The following CEP70 variants were observed in gnomAD, a reference collection of about 807,000 sequenced individuals.
The protein encoded by CEP70 is centrosomal protein 70.
In CEP70, 70 loss-of-function variants were observed where a neutral mutation model predicts 90.9. The ratio of observed to expected loss-of-function variants is 0.77; its 90% CI spans 0.64 to 0.94. The LOEUF is 0.94. Ranked by LOEUF, CEP70 falls within the 40% of genes least tolerant of loss-of-function variation. The probability of loss-of-function intolerance (pLI) is 0.00; values close to 1 mark genes in which losing one functional copy is unlikely to be tolerated. For synonymous variants in CEP70, 220 were observed against 228.3 expected (o/e 0.96, Z 0.33); for missense variants, 648 against 669.0 (o/e 0.97, Z 0.35).
At chr3:138,573,084 A>G in intron 2 of CEP70, 152 bp from the exon 3 acceptor site, 1 of 607,092 alleles carries the variant, frequency 1.6e-6, no homozygotes, top group Middle Eastern at 4.4e-4. Flanking sequence ...TCCTGCGTCA[A>G]AACTTTGTGA....
Position 138,494,989 on chromosome 3 carries a change from C to T in CEP70, c.*26G>A. 8.4e-7 allele frequency: 1 copy of T among 1,191,816 alleles called. No individual in the cohort carries two copies. Among genetic ancestry groups the T allele is most frequent in the South Asian group, 1.3e-5 (1 of 78,012 alleles). 73.8% of individuals were successfully genotyped at this position (1,191,816 alleles called of 1,614,324 possible). A position where few individuals can be genotyped will look rare whatever the true frequency, so the allele number is the denominator to read the frequency against. ...TACAAAATGTTAAGAATACAATTTACACAGTAAAAATGATTTGATTTGTTT... is the reference window on the plus strand; with the variant it reads ...TACAAAATGTTAAGAATACAATTTATACAGTAAAAATGATTTGATTTGTTT... On this transcript the variant is annotated 3_prime_UTR_variant, in exon 18 of 18. Transcript: ENST00000264982.
intron 2 of CEP70, among the ~76,000 whole-genome samples, chr3:138,575,936 G>C (rs1385338457): frequency 6.6e-6 from 1 of 152,096 alleles, no homozygotes; most frequent in Non-Finnish European, 1.5e-5. Context: ...TGCCTTACAA[G>C]AGCTCCTGAA....
At chr3:138,574,153 G>A (rs924755179) in intron 2 of CEP70, among the ~76,000 whole-genome samples, 1 of 152,172 alleles carries the variant, frequency 6.6e-6, no homozygotes, top group African/African-American at 2.4e-5. Flanking sequence ...CCTCACCCAG[G>A]AAGTGCAAGA....
intron 11 of CEP70, among the ~76,000 whole-genome samples, chr3:138,511,806 T>A (rs934307670): frequency 6.6e-6 from 1 of 152,212 alleles, no homozygotes; most frequent in African/African-American, 2.4e-5. Context: ...TCTATTTATA[T>A]AAGACAATGA....
At chr3:138,501,640 G>A (rs2034518789) in intron 13 of CEP70, among the ~76,000 whole-genome samples, 2 of 152,136 alleles carry the variant, frequency 1.3e-5, no homozygotes, top group Admixed American at 6.5e-5. Flanking sequence ...TAATGTGAAA[G>A]GTTCCCTAAA....
chr3:138,517,778 C>T (rs2036181278), intron 11 of CEP70, among the ~76,000 whole-genome samples: 1 of 152,242 alleles, frequency 6.6e-6, no homozygotes, highest in African/African-American at 2.4e-5. Context: ...CGGGTGATTT[C>T]TGCATTTCCA....
intron 7 of CEP70, 143 bp downstream of exon 7, chr3:138,537,035 G>T: frequency 2.1e-6 from 1 of 469,866 alleles, no homozygotes; most frequent in Non-Finnish European, 3.6e-6. Context: ...GGATGAGCAG[G>T]GAAAAACAAT....
intron 6 of CEP70, among the ~76,000 whole-genome samples, chr3:138,557,244 T>C (rs1426940157): frequency 6.6e-6 from 1 of 152,224 alleles, no homozygotes; most frequent in Non-Finnish European, 1.5e-5. Flanking sequence ...TCTTATTCCC[T>C]GAACATTGCT....
intron 2 of CEP70, among the ~76,000 whole-genome samples, chr3:138,581,846 GA>G (rs1167379860): frequency 6.6e-6 from 1 of 151,622 alleles, no homozygotes; most frequent in Non-Finnish European, 1.5e-5. Context: ...TTAACCCAAG[GA>G]GACTACCTCA....
intron 8 of CEP70, among the ~76,000 whole-genome samples, chr3:138,529,788 CAT>C (rs1249855797): frequency 3.9e-5 from 6 of 152,184 alleles, no homozygotes; most frequent in African/African-American, 1.4e-4. Context: ...ACAAACGAAA[CAT>C]AGGTGGAACA....
intron 10 of CEP70, among the ~76,000 whole-genome samples, chr3:138,525,926 TTATACA>T (rs2037184265): frequency 1.3e-5 from 2 of 152,182 alleles, no homozygotes; most frequent in African/African-American, 2.4e-5. Flanking sequence ...AACTCAAACT[TTATACA>T]TATACTTAAA....
At chr3:138,562,324 T>G (rs537405807) in intron 6 of CEP70, among the ~76,000 whole-genome samples, 2 of 152,036 alleles carry the variant, frequency 1.3e-5, no homozygotes, top group African/African-American at 4.8e-5. Context: ...AGCAATATTA[T>G]AGGCCAACAT....
At chr3:138,570,623 G>T (rs2041108551) in intron 5 of CEP70, 125 bp from the exon 6 acceptor site, 5 of 706,382 alleles carry the variant, frequency 7.1e-6, no homozygotes, top group Non-Finnish European at 1.1e-5. Flanking sequence ...CAAAATGCTT[G>T]GAACCAGAAG....
intron 6 of CEP70, among the ~76,000 whole-genome samples, chr3:138,556,467 G>A (rs1263683236): frequency 7.2e-6 from 1 of 138,538 alleles, no homozygotes; most frequent in Non-Finnish European, 1.5e-5. Flanking sequence ...GGCAGAGGTT[G>A]TGGTGAGCTT....
In CEP70 at chr3:138,500,151, A is replaced by G. The variant is rs2034357771; in HGVS notation, c.1611T>C (p.Asn537=). The change falls in exon 16 of 18, where the codon AAT becomes AAC. Residue 537 remains asparagine, a synonymous_variant. Coordinates refer to ENST00000264982, the MANE Select transcript of CEP70 (RefSeq NM_024491.4). ...KLCRLINEDV[N]EQVMQVLGPE... ...GTCCTAATACCTGCATAACCTGCTC[A>G]TTCACATCTTCATTAATCAGCCTAC... is the stretch of plus-strand genomic sequence containing the variant. 1 of 1,613,612 alleles carries G rather than the reference A, an allele frequency of 6.2e-7. No individual in the cohort carries two copies. The highest frequency in any genetic ancestry group is 1.7e-5 in the Admixed American group (1 of 60,010).
At chr3:138,508,624 C>T (rs2035216479) in intron 11 of CEP70, 80 bp from the exon 12 acceptor site, 4 of 871,716 alleles carry the variant, frequency 4.6e-6, no homozygotes, top group Middle Eastern at 2.7e-4. Flanking sequence ...AGTCAATGAT[C>T]CAGCCACCCT....
chr3:138,537,019 A>AAT, intron 7 of CEP70, 159 bp downstream of exon 7: 1 of 403,350 alleles, frequency 2.5e-6, no homozygotes, highest in African/African-American at 2.1e-5. Context: ...AAAAAAAAAA[A>AAT]GAACAGGATG....
intron 6 of CEP70, among the ~76,000 whole-genome samples, chr3:138,544,893 C>T (rs929248912): frequency 6.6e-6 from 1 of 151,822 alleles, no homozygotes; most frequent in Non-Finnish European, 1.5e-5. Context: ...CAGTGGTTAA[C>T]AGAGGCTACA....
intron 2 of CEP70, among the ~76,000 whole-genome samples, chr3:138,581,558 C>T (rs1457938230): frequency 6.6e-6 from 1 of 151,460 alleles, no homozygotes; most frequent in Non-Finnish European, 1.5e-5. Context: ...ACAAAATTAG[C>T]CAGGTGCAGT....
Sources: allele counts gnomAD v4.1 joint callset (sites outside exome capture counted in the v4.1 genomes callset), GRCh38; gene constraint gnomAD v4.1.1; transcripts MANE v1.5; gene names NCBI Gene and HGNC (gene_info 2026-07-23, HGNC 2026-07-21).